TBC1D16: variants seen among roughly 807,000 people sequenced by gnomAD.
The protein encoded by TBC1D16 is CTD-2529O21.1.
A neutral mutation model predicts 74.7 loss-of-function variants in TBC1D16; 58 were observed. The observed-to-expected ratio is 0.78, with a 90% CI of 0.63 to 0.97. TBC1D16 has a LOEUF of 0.97. Ranked by LOEUF, TBC1D16 falls within the 50% of genes least tolerant of loss-of-function variation. The pLI, the probability that TBC1D16 is intolerant of heterozygous loss-of-function variation, is 0.00. For synonymous variants in TBC1D16, 493 were observed against 474.7 expected, an observed-to-expected ratio of 1.04 and a Z score of -0.50; for missense variants, 1,014 against 1,079.5, an observed-to-expected ratio of 0.94 and a Z score of 0.85.
intron 3 of TBC1D16, among the ~76,000 whole-genome samples, chr17:79,982,528 G>A (rs1402309438): frequency 4.0e-5 from 6 of 151,850 alleles, no homozygotes; most frequent in Admixed American, 2.0e-4. Flanking sequence ...GTGTGTGCAC[G>A]TGTGTACAGG....
intron 3 of TBC1D16, among the ~76,000 whole-genome samples, chr17:79,953,175 A>G (rs2033164888): frequency 6.6e-6 from 1 of 152,110 alleles, no homozygotes; most frequent in Non-Finnish European, 1.5e-5. Context: ...CCATGGATAA[A>G]GAAGGCAGGA....
At chr17:80,012,146 G>C (rs2035919516) in intron 2 of TBC1D16, among the ~76,000 whole-genome samples, 1 of 152,190 alleles carries the variant, frequency 6.6e-6, no homozygotes, top group Non-Finnish European at 1.5e-5. Context: ...AATCTCCTAA[G>C]CACTGCTCCT....
In TBC1D16 at chr17:80,009,419, A is replaced by G. The variant is rs2144658457; in HGVS notation, c.779+741T>C. 6.6e-6 allele frequency among the ~76,000 whole-genome samples: 1 copy of G among 152,256 alleles called. No individual in the cohort carries two copies. The highest frequency in any genetic ancestry group is 1.9e-4 in the East Asian group (1 of 5,172). On this transcript the variant is annotated intron_variant, in intron 3 of 11. Coordinates refer to ENST00000310924, the MANE Select transcript of TBC1D16 (RefSeq NM_019020.4). This position sits in a 1 kb window ranked among gnomAD's most constrained non-coding sequence, Gnocchi z 5.4. ...CATGAGGGCCCTCGTGGCACCATGC[A>G]ACCCTCCCCACTCAGGAAGGTCTCT...
intron 3 of TBC1D16, among the ~76,000 whole-genome samples, chr17:79,997,194 G>T (rs2035305989): frequency 6.6e-6 from 1 of 152,130 alleles, no homozygotes; most frequent in South Asian, 2.1e-4. Flanking sequence ...AGTGGCACAG[G>T]ATTCTAAACA....
chr17:80,030,218 C>T (rs537932148), intron 1 of TBC1D16, among the ~76,000 whole-genome samples: 1 of 152,252 alleles, frequency 6.6e-6, no homozygotes, highest in African/African-American at 2.4e-5. Context: ...CACACCAAAC[C>T]GAGGACACTG....
chr17:79,947,738 C>T lies in TBC1D16; in HGVS notation c.1635G>A (p.Leu545=). The part of the protein sequence containing the change: ...DLVAPILAEV[L]DESDTFWCFV... ...AGCACCAGAAGGTGTCTGACTCATC[C>T]AGGACCTCGGCCAAGATGGGCGCCA... The change falls in exon 9 of 12, where the codon CTG becomes CTA. Residue 545 remains leucine, a synonymous_variant. Coordinates refer to ENST00000310924, the MANE Select transcript of TBC1D16 (RefSeq NM_019020.4). The T allele has an allele frequency of 6.2e-7, 1 of 1,614,064 alleles. No individual in the cohort carries two copies. The highest frequency in any genetic ancestry group is 1.1e-5 in the South Asian group (1 of 91,086).
chr17:79,968,677 T>C (rs1368075141), intron 3 of TBC1D16, among the ~76,000 whole-genome samples: 8 of 151,194 alleles, frequency 5.3e-5, no homozygotes, highest in Non-Finnish European at 1.2e-4. Flanking sequence ...CATAGTGAAA[T>C]CTTGTCTCTA....
intron 1 of TBC1D16, among the ~76,000 whole-genome samples, chr17:80,033,673 G>A (rs192986058): frequency 7.6e-4 from 116 of 152,276 alleles, no homozygotes; most frequent in Non-Finnish European, 1.5e-3. Flanking sequence ...ATTTGTATTT[G>A]AAGCCAGCAG....
chr17:80,017,762 T>G (rs2036144032), intron 1 of TBC1D16, among the ~76,000 whole-genome samples: 1 of 151,556 alleles, frequency 6.6e-6, no homozygotes, highest in East Asian at 1.9e-4. Context: ...GGCTTTGGCC[T>G]GTGGGTTGCA....
At chr17:79,966,586 C>T (rs1231907582) in intron 3 of TBC1D16, among the ~76,000 whole-genome samples, 1 of 152,204 alleles carries the variant, frequency 6.6e-6, no homozygotes, top group Admixed American at 6.5e-5. Flanking sequence ...CTTCAATCCC[C>T]AGGGAAGCCA....
rs750782682 is a variant in TBC1D16 at position 80,010,756 on chromosome 17, A to T, written c.183T>A (p.Gly61=). Reference sequence around the variant, plus strand: ...CCTTCTCCATGTACAAGCACAGGTAACCTGTGAGGAGCCAGGGGGATGGCA... The same window carrying T: ...CCTTCTCCATGTACAAGCACAGGTATCCTGTGAGGAGCCAGGGGGATGGCA... The part of the protein sequence containing the change: ...GLQGLGEHHP[G]YLCLYMEKDE... Residue 61 remains glycine (G), a splice_region_variant and synonymous_variant, in exon 3 of 12, where the codon GGT becomes GGA. Transcript: ENST00000310924. The surrounding 1 kb of genome is among the most constrained non-coding windows in gnomAD (Gnocchi z 8.8). The T allele has an allele frequency of 2.2e-5, 33 of 1,484,878 alleles. No homozygotes were observed. The highest frequency in any genetic ancestry group is 2.9e-5 in the Non-Finnish European group (33 of 1,119,748). The allele number at this position is 1,484,878 out of a possible 1,614,324, so 92.0% of individuals were successfully genotyped here. A position where few individuals can be genotyped will look rare whatever the true frequency, so the allele number is the denominator to read the frequency against.
intron 1 of TBC1D16, among the ~76,000 whole-genome samples, chr17:80,023,058 A>G (rs184355266): frequency 5.3e-5 from 8 of 150,272 alleles, no homozygotes; most frequent in African/African-American, 7.6e-5. Flanking sequence ...AACGCTGCAC[A>G]TGTGACAAAC....
chr17:80,006,275 C>T (rs1043683595), intron 3 of TBC1D16, among the ~76,000 whole-genome samples: 9 of 152,028 alleles, frequency 5.9e-5, no homozygotes, highest in East Asian at 5.8e-4. Context: ...GGGTTCTCAA[C>T]GCTACGTGCA....
intron 1 of TBC1D16, among the ~76,000 whole-genome samples, chr17:80,020,467 C>T (rs1206544890): frequency 6.7e-6 from 1 of 149,402 alleles, no homozygotes; most frequent in Non-Finnish European, 1.5e-5. Flanking sequence ...TGCCTGTAGT[C>T]CCAGCTACTC....
chr17:79,969,891 G>T (rs748609410), intron 3 of TBC1D16, among the ~76,000 whole-genome samples: 1 of 152,110 alleles, frequency 6.6e-6, no homozygotes, highest in Non-Finnish European at 1.5e-5. Flanking sequence ...GCAGTGAGCC[G>T]AGATCACGCC....
At position 79,961,199 on chromosome 17, in the gene TBC1D16, A is replaced by G. The variant is rs992883541; in HGVS notation, c.780-8381T>C. ...GACGATATGGAAGCATCTCAGTTGT[A>G]TTATGTTAAGTGAAAGAAGCCAGAC... On this transcript the variant is annotated intron_variant, in intron 3 of 11. Transcript: ENST00000310924. The surrounding 1 kb of genome is among the most constrained non-coding windows in gnomAD (Gnocchi z 4.8). 1.3e-5 allele frequency among the ~76,000 whole-genome samples: 2 copies of G among 152,220 alleles called. No individual in the cohort carries two copies. The highest frequency in any genetic ancestry group is 2.9e-5 in the Non-Finnish European group (2 of 68,042).
At chr17:80,017,406 G>A (rs146244924) in intron 1 of TBC1D16, among the ~76,000 whole-genome samples, 102 of 152,168 alleles carry the variant, frequency 6.7e-4, no homozygotes, top group African/African-American at 2.4e-3. Context: ...AACCGGCCAG[G>A]CGCGGTGGCT....
chr17:80,029,761 G>A (rs778331745), intron 1 of TBC1D16, among the ~76,000 whole-genome samples: 1 of 152,156 alleles, frequency 6.6e-6, no homozygotes. Context: ...TGTGACAAAT[G>A]ACACAAACTT....
At chr17:79,974,887 A>T (rs1171767909) in intron 3 of TBC1D16, among the ~76,000 whole-genome samples, 2 of 152,154 alleles carry the variant, frequency 1.3e-5, no homozygotes, top group South Asian at 4.1e-4. Context: ...TGAAAGAGGG[A>T]GAAGCCTGGG....
Sources: gnomAD v4.1 joint callset for allele counts (sites outside exome capture counted in the v4.1 genomes callset) on GRCh38, gnomAD v4.1.1 for gene constraint, Gnocchi (gnomAD v3.1) non-coding constraint, MANE v1.5 for transcripts, NCBI Gene and HGNC (gene_info 2026-07-23, HGNC 2026-07-21) for gene names.